TAFA4: variants seen among roughly 807,000 people sequenced by gnomAD.
TAFA4 encodes the protein TAFA chemokine like family member 4.
TAFA4 carries 20 observed loss-of-function variants against 21.1 expected under a neutral mutation model. That is an observed-to-expected ratio of 0.95 (90% CI 0.67 to 1.38). TAFA4 has a LOEUF of 1.38. TAFA4 is among the 40% of genes most tolerant of loss of function. The probability of loss-of-function intolerance (pLI) is 0.00; values close to 1 mark genes in which losing one functional copy is unlikely to be tolerated. For synonymous variants in TAFA4, 71 were observed against 67.4 expected (o/e 1.05, Z -0.26); for missense variants, 211 against 180.9 (o/e 1.17, Z -0.95).
intron 3 of TAFA4, among the ~76,000 whole-genome samples, chr3:68,802,862 C>G (rs770547209): frequency 6.6e-6 from 1 of 152,168 alleles, no homozygotes; most frequent in African/African-American, 2.4e-5. Flanking sequence ...AGGAAGTTGG[C>G]CTTTCAATTA....
chr3:68,868,321 A>AAT (rs2089443032), intron 3 of TAFA4, among the ~76,000 whole-genome samples: 1 of 151,886 alleles, frequency 6.6e-6, no homozygotes, highest in Admixed American at 6.6e-5. Context: ...TATGCACCCA[A>AAT]ATATATATAT....
chr3:68,863,443 A>G (rs1159606324), intron 3 of TAFA4, among the ~76,000 whole-genome samples: 1 of 152,182 alleles, frequency 6.6e-6, no homozygotes, highest in Non-Finnish European at 1.5e-5. Context: ...TGTATAGACA[A>G]GAGACACTTT....
At chr3:68,736,198 G>A (rs1203261234) in intron 5 of TAFA4, among the ~76,000 whole-genome samples, 1 of 151,848 alleles carries the variant, frequency 6.6e-6, no homozygotes, top group Non-Finnish European at 1.5e-5. Context: ...GCTTAAAATG[G>A]CAACCCCAGA....
At chr3:68,862,427 C>T (rs1270065579) in intron 3 of TAFA4, among the ~76,000 whole-genome samples, 1 of 152,110 alleles carries the variant, frequency 6.6e-6, no homozygotes, top group Non-Finnish European at 1.5e-5. Flanking sequence ...TTCGTGCCAA[C>T]AAGCATTTAG....
At chr3:68,845,108 G>T (rs149716631) in intron 3 of TAFA4, among the ~76,000 whole-genome samples, 2 of 152,092 alleles carry the variant, frequency 1.3e-5, no homozygotes, top group African/African-American at 2.4e-5. Context: ...ATTGACAGTG[G>T]GGTGTTAAAG....
At chr3:68,768,897 C>T (rs372735337) in intron 3 of TAFA4, among the ~76,000 whole-genome samples, 30 of 152,134 alleles carry the variant, frequency 2.0e-4, no homozygotes, top group Admixed American at 5.9e-4. Context: ...ATGCTGAACC[C>T]ATAACAGTAG....
At chr3:68,816,754 G>C (rs1002056496) in intron 3 of TAFA4, among the ~76,000 whole-genome samples, 3 of 152,086 alleles carry the variant, frequency 2.0e-5, no homozygotes, top group Non-Finnish European at 4.4e-5. Flanking sequence ...AATGTTGCAA[G>C]AAAGCAAGTC....
chr3:68,835,249 C>T (rs1307157090), intron 3 of TAFA4, among the ~76,000 whole-genome samples: 1 of 152,126 alleles, frequency 6.6e-6, no homozygotes, highest in East Asian at 1.9e-4. Flanking sequence ...CCCTCAATTC[C>T]TTGACTCTGT....
chr3:68,846,279 G>C (rs567560003), intron 3 of TAFA4, among the ~76,000 whole-genome samples: 1 of 151,714 alleles, frequency 6.6e-6, no homozygotes, highest in Non-Finnish European at 1.5e-5. Context: ...TTCAATCTCT[G>C]ATATCCTTTC....
At chr3:68,813,636 T>C (rs958920917) in intron 3 of TAFA4, among the ~76,000 whole-genome samples, 2 of 152,174 alleles carry the variant, frequency 1.3e-5, no homozygotes, top group Middle Eastern at 3.2e-3. Flanking sequence ...AATGTCTGAA[T>C]AGATCAACAA....
intron 5 of TAFA4, 33 bp from the exon 6 acceptor site, chr3:68,733,186 ACT>A (rs1702182010): frequency 6.2e-7 from 1 of 1,608,918 alleles, no homozygotes; most frequent in Non-Finnish European, 8.5e-7. Context: ...AACATTCAAC[ACT>A]CTATACCCAC....
intron 3 of TAFA4, among the ~76,000 whole-genome samples, chr3:68,856,090 A>G (rs1705063687): frequency 6.6e-6 from 1 of 152,130 alleles, no homozygotes; most frequent in African/African-American, 2.4e-5. Context: ...CAGAGCTGGT[A>G]CAACTACCCT....
At chr3:68,869,672 T>TA (rs2089460922) in intron 3 of TAFA4, among the ~76,000 whole-genome samples, 1 of 151,934 alleles carries the variant, frequency 6.6e-6, no homozygotes, top group South Asian at 2.1e-4. Flanking sequence ...TCTTTTATGA[T>TA]AAAAACTCTC....
intron 3 of TAFA4, among the ~76,000 whole-genome samples, chr3:68,834,033 T>C (rs1704462617): frequency 1.3e-5 from 2 of 152,194 alleles, no homozygotes; most frequent in African/African-American, 2.4e-5. Context: ...CCAGAGTTGA[T>C]GCTCACCCTG....
At chr3:68,909,849 T>C (rs2089942494) in intron 1 of TAFA4, among the ~76,000 whole-genome samples, 1 of 152,208 alleles carries the variant, frequency 6.6e-6, no homozygotes, top group Non-Finnish European at 1.5e-5. Flanking sequence ...CTTATCTAGA[T>C]GCTTTGTTTA....
At chr3:68,829,171 A>C (rs1229342540) in intron 3 of TAFA4, among the ~76,000 whole-genome samples, 1 of 152,190 alleles carries the variant, frequency 6.6e-6, no homozygotes, top group African/African-American at 2.4e-5. Context: ...ACAGTAACCA[A>C]AACAGCATGG....
chr3:68,910,900 T>C (rs2089955372), intron 1 of TAFA4, among the ~76,000 whole-genome samples: 1 of 152,234 alleles, frequency 6.6e-6, no homozygotes, highest in African/African-American at 2.4e-5. Context: ...AACACAATGC[T>C]TGGTACTTAA....
At position 68,752,833 on chromosome 3, in the gene TAFA4, TACCAGAGATGCTG is replaced by T; in HGVS notation, c.286+17_286+29del. 1 of 1,613,924 alleles carries T rather than the reference TACCAGAGATGCTG, an allele frequency of 6.2e-7. No homozygotes were observed. Among genetic ancestry groups the T allele is most frequent in the Non-Finnish European group, 8.5e-7 (1 of 1,179,900 alleles). On this transcript the variant is annotated intron_variant, in intron 4 of 5. Coordinates refer to ENST00000295569, the MANE Select transcript of TAFA4 (RefSeq NM_182522.5). ...CTGGTGGGTTTTGGCCTTTTTGAAA[TACCAGAGATGCTG>T]ACCAGAGAGGTCTTACCTTCAACAC...
chr3:68,774,128 T>C (rs1703007587), intron 3 of TAFA4, among the ~76,000 whole-genome samples: 1 of 152,168 alleles, frequency 6.6e-6, no homozygotes, highest in South Asian at 2.1e-4. Flanking sequence ...GCTCCAGTCC[T>C]AGGAGAGGTG....
Sources: gnomAD v4.1 joint callset for allele counts (sites outside exome capture counted in the v4.1 genomes callset) on GRCh38, gnomAD v4.1.1 for gene constraint, MANE v1.5 for transcripts, NCBI Gene and HGNC (gene_info 2026-07-23, HGNC 2026-07-21) for gene names.